RBMS3: variants seen among roughly 807,000 people sequenced by gnomAD.
RBMS3 encodes the protein RNA binding motif single stranded interacting protein 3.
Under a neutral mutation model 66.8 loss-of-function variants are expected in RBMS3, and 27 were observed. The ratio of observed to expected loss-of-function variants is 0.40; its 90% CI spans 0.30 to 0.56. The LOEUF is 0.56. Ranked by LOEUF, RBMS3 falls within the 20% of genes least tolerant of loss-of-function variation. RBMS3 has a pLI of 0.40. For synonymous variants in RBMS3, 188 were observed against 183.0 expected (o/e 1.03, Z -0.22); for missense variants, 513 against 549.5 (o/e 0.93, Z 0.66).
intron 1 of RBMS3, among the ~76,000 whole-genome samples, chr3:29,431,898 G>C (rs900533067): frequency 5.3e-5 from 8 of 151,684 alleles, no homozygotes; most frequent in Non-Finnish European, 1.2e-4. Context: ...GCTAATTTTT[G>C]TGTATTTTTT....
At chr3:29,997,684 T>C (rs1699335387) in intron 14 of RBMS3, among the ~76,000 whole-genome samples, 1 of 151,720 alleles carries the variant, frequency 6.6e-6, no homozygotes, top group Non-Finnish European at 1.5e-5. Flanking sequence ...ATTATCTCAA[T>C]AGATGCAGAA....
chr3:29,694,614 AT>A (rs1559577094), intron 4 of RBMS3, among the ~76,000 whole-genome samples: 1 of 151,828 alleles, frequency 6.6e-6, no homozygotes, highest in African/African-American at 2.4e-5. Context: ...TTCCTGCTTG[AT>A]TTTTTTTGAA....
At chr3:29,833,049 CGA>C (rs2058415358) in intron 6 of RBMS3, among the ~76,000 whole-genome samples, 1 of 151,926 alleles carries the variant, frequency 6.6e-6, no homozygotes, top group African/African-American at 2.4e-5. Context: ...TTTGTGGGAT[CGA>C]GAGACAGCAT....
chr3:29,931,187 T>A (rs2061112025), intron 10 of RBMS3, among the ~76,000 whole-genome samples: 1 of 152,180 alleles, frequency 6.6e-6, no homozygotes, highest in Non-Finnish European at 1.5e-5. Flanking sequence ...ATAAAATTAA[T>A]TTACAAAAAC....
chr3:29,769,851 A>C (rs935354242), intron 6 of RBMS3, among the ~76,000 whole-genome samples: 1 of 151,932 alleles, frequency 6.6e-6, no homozygotes, highest in Non-Finnish European at 1.5e-5. Flanking sequence ...TTGGGGGAAA[A>C]CATTGAGGAA....
chr3:29,366,656 T>C (rs2125592672), intron 1 of RBMS3, among the ~76,000 whole-genome samples: 1 of 152,250 alleles, frequency 6.6e-6, no homozygotes, highest in South Asian at 2.1e-4. Context: ...ATTATAGGCA[T>C]GAGCCACCAC....
At chr3:29,487,708 A>G (rs1041779133) in intron 2 of RBMS3, among the ~76,000 whole-genome samples, 4 of 152,204 alleles carry the variant, frequency 2.6e-5, no homozygotes, top group Non-Finnish European at 5.9e-5. Flanking sequence ...GCCTATAAAG[A>G]AGACAATATT....
At chr3:29,482,132 G>A (rs1305489738) in intron 2 of RBMS3, among the ~76,000 whole-genome samples, 2 of 152,098 alleles carry the variant, frequency 1.3e-5, no homozygotes, top group Non-Finnish European at 2.9e-5. Context: ...ATGCTGAAAT[G>A]CATTGGAATC....
chr3:29,802,893 G>T (rs1363632683), intron 6 of RBMS3, among the ~76,000 whole-genome samples: 1 of 152,104 alleles, frequency 6.6e-6, no homozygotes, highest in Admixed American at 6.6e-5. Flanking sequence ...GACCCTTTCT[G>T]CCCTTAAGAT....
chr3:29,875,312 G>A (rs958682911), intron 7 of RBMS3, among the ~76,000 whole-genome samples: 2 of 152,046 alleles, frequency 1.3e-5, no homozygotes, highest in African/African-American at 2.4e-5. Flanking sequence ...CAAATTCCTG[G>A]AACTCTCCTC....
intron 4 of RBMS3, among the ~76,000 whole-genome samples, chr3:29,710,410 G>T (rs2053112874): frequency 6.6e-6 from 1 of 152,114 alleles, no homozygotes; most frequent in Non-Finnish European, 1.5e-5. Flanking sequence ...TTTTCTCTGT[G>T]TTTCTCCAGA....
intron 6 of RBMS3, among the ~76,000 whole-genome samples, chr3:29,841,099 G>C (rs569626918): frequency 6.6e-6 from 1 of 151,844 alleles, no homozygotes; most frequent in Non-Finnish European, 1.5e-5. Flanking sequence ...TAATGAGTTT[G>C]ATCATTTTTC....
chr3:29,412,021 A>T (rs991069746), intron 1 of RBMS3, among the ~76,000 whole-genome samples: 2 of 152,250 alleles, frequency 1.3e-5, no homozygotes, highest in Non-Finnish European at 2.9e-5. Context: ...TTGATAGTCA[A>T]ATATTTTTAA....
rs1259101191 is a variant in RBMS3, at chr3:29,336,479, A to G, written c.75+54723A>G. 2.6e-5 allele frequency among the ~76,000 whole-genome samples: 4 copies of G among 152,214 alleles called. No homozygotes were observed. The East Asian group carries it at 7.7e-4, about 29-fold the overall frequency. ...TAGATGAAAAAAAAAACCATAATCA[A>G]CCTGTGAGACGGTGTTTGTGGCCTC... On this transcript the variant is annotated intron_variant, in intron 1 of 14. Transcript: ENST00000383767.
At chr3:29,502,831 G>C (rs2044028837) in intron 3 of RBMS3, among the ~76,000 whole-genome samples, 1 of 152,046 alleles carries the variant, frequency 6.6e-6, no homozygotes, top group African/African-American at 2.4e-5. Context: ...GAAAGACAAG[G>C]TGCAGCTGAT....
chr3:29,674,642 C>T (rs149423902), intron 4 of RBMS3, among the ~76,000 whole-genome samples: 1,592 of 150,596 alleles, frequency 0.011, 35 homozygotes, highest in African/African-American at 0.038. Flanking sequence ...AGTGAACTCC[C>T]ATTCACAATT....
intron 1 of RBMS3, among the ~76,000 whole-genome samples, chr3:29,381,964 C>G (rs763249061): frequency 4.6e-5 from 7 of 152,082 alleles, no homozygotes; most frequent in Non-Finnish European, 8.8e-5. Context: ...TCTTTCCTTC[C>G]CTGTCTATCT....
intron 1 of RBMS3, among the ~76,000 whole-genome samples, chr3:29,285,535 C>T (rs527534919): frequency 3.3e-5 from 5 of 152,116 alleles, no homozygotes; most frequent in Non-Finnish European, 7.4e-5. Flanking sequence ...AATGATGTTG[C>T]TCTCACATGA....
intron 10 of RBMS3, among the ~76,000 whole-genome samples, chr3:29,903,459 C>G (rs2060302921): frequency 6.6e-6 from 1 of 151,980 alleles, no homozygotes; most frequent in Non-Finnish European, 1.5e-5. Context: ...TGAAATCTCA[C>G]CATTGCACTA....
Sources: allele counts gnomAD v4.1 joint callset (sites outside exome capture counted in the v4.1 genomes callset), GRCh38; gene constraint gnomAD v4.1.1; transcripts MANE v1.5; gene names NCBI Gene and HGNC (gene_info 2026-07-23, HGNC 2026-07-21).